Variants in ARID4A observed in about 807,000 individuals in gnomAD.
The protein encoded by ARID4A is AT-rich interactive domain-containing protein 4A.
In ARID4A, 39 loss-of-function variants were observed where a neutral mutation model predicts 148.6. The observed-to-expected ratio is 0.26, with a 90% confidence interval of 0.20 to 0.34. The LOEUF is 0.34. Ranked by LOEUF, ARID4A falls within the 10% of genes least tolerant of loss-of-function variation. The pLI, the probability that ARID4A is intolerant of heterozygous loss-of-function variation, is 1.00. For missense variants in ARID4A, 1,265 were observed against 1,449.1 expected (o/e 0.87, Z 2.06); for synonymous variants, 475 against 481.2 (o/e 0.99, Z 0.17).
rs1381604389 is a variant in ARID4A, at chr14:58,373,761, G to C, written c.*1772G>C. ...CTTTATACTTTTAGTTTTCATTTAA[G>C]TGATTGCTTTTTTCCTAAGTGCTTG... On this transcript the variant is annotated 3_prime_UTR_variant, in exon 24 of 24. Transcript: ENST00000355431. The C allele has an allele frequency of 6.1e-6, 1 of 164,344 alleles. No individual in the cohort carries two copies. Among genetic ancestry groups the C allele is most frequent in the Admixed American group, 6.4e-5 (1 of 15,520 alleles). The allele number at this position is 164,344 out of a possible 1,614,324, so 10.2% of individuals were successfully genotyped here. A position where few individuals can be genotyped will look rare whatever the true frequency, so the allele number is the denominator to read the frequency against.
intron 8 of ARID4A, 100 bp downstream of exon 8, chr14:58,323,717 A>G: frequency 1.8e-6 from 2 of 1,103,086 alleles, no homozygotes; most frequent in Non-Finnish European, 2.6e-6. Flanking sequence ...TATTAAACAA[A>G]TTTGGACTTT....
intron 11 of ARID4A, among the ~76,000 whole-genome samples, chr14:58,342,918 A>C (rs1470888921): frequency 6.6e-6 from 1 of 152,212 alleles, no homozygotes. Context: ...TCTTTAAAAA[A>C]AAAAAAATAC....
chr14:58,330,885 C>G (rs1245193179), intron 11 of ARID4A, among the ~76,000 whole-genome samples: 1 of 152,060 alleles, frequency 6.6e-6, no homozygotes, highest in African/African-American at 2.4e-5. Context: ...GTTGTTTATT[C>G]TGCAGTGTTG....
intron 23 of ARID4A, among the ~76,000 whole-genome samples, chr14:58,368,622 T>A (rs1372838670): frequency 1.3e-5 from 2 of 152,212 alleles, no homozygotes; most frequent in African/African-American, 4.8e-5. Flanking sequence ...TCTTAATAGT[T>A]AATCCAAGTT....
chr14:58,345,853 C>T (rs759601724), intron 12 of ARID4A, among the ~76,000 whole-genome samples: 16 of 150,980 alleles, frequency 1.1e-4, no homozygotes, highest in South Asian at 2.1e-4. Flanking sequence ...ACCTCAGGCT[C>T]CCAAGTACCT....
intron 20 of ARID4A, 49 bp from the exon 21 acceptor site, chr14:58,365,469 T>A: frequency 1.6e-5 from 8 of 493,060 alleles, no homozygotes; most frequent in Admixed American, 1.2e-4. Flanking sequence ...TACTTGCTCT[T>A]TTTTTTTTTT....
chr14:58,301,169 G>C (rs1566661425), intron 2 of ARID4A, among the ~76,000 whole-genome samples: 1 of 152,124 alleles, frequency 6.6e-6, no homozygotes, highest in African/African-American at 2.4e-5. Flanking sequence ...TGTATTGTTA[G>C]TGTTAATATT....
chr14:58,324,505 TC>T (rs112832932), intron 8 of ARID4A, among the ~76,000 whole-genome samples: 20 of 152,222 alleles, frequency 1.3e-4, no homozygotes, highest in African/African-American at 4.3e-4. Flanking sequence ...AGTCTCAAAC[TC>T]CTGGGCTCAA....
intron 8 of ARID4A, among the ~76,000 whole-genome samples, chr14:58,325,057 G>A (rs2033136828): frequency 6.6e-6 from 1 of 152,138 alleles, no homozygotes. Flanking sequence ...GGATGGGTTG[G>A]TAGAGAAAGC....
intron 11 of ARID4A, among the ~76,000 whole-genome samples, chr14:58,344,318 CAT>C (rs756146088): frequency 7.1e-4 from 108 of 151,870 alleles, no homozygotes; most frequent in Admixed American, 2.4e-3. Flanking sequence ...ATATAATGAA[CAT>C]GTGTCATTAT....
chr14:58,342,943 C>T (rs908708644), intron 11 of ARID4A, among the ~76,000 whole-genome samples: 2 of 151,760 alleles, frequency 1.3e-5, no homozygotes, highest in African/African-American at 4.8e-5. Flanking sequence ...ATGAAGTTTT[C>T]GTCTGAAGAG....
intron 19 of ARID4A, among the ~76,000 whole-genome samples, chr14:58,362,114 A>G (rs1161385602): frequency 6.6e-6 from 1 of 152,224 alleles, no homozygotes; most frequent in East Asian, 1.9e-4. Context: ...GTACCAGTGT[A>G]TCCTATAAAT....
Position 58,371,776 on chromosome 14 carries a change from G to C in ARID4A, c.3671-110G>C, listed in dbSNP as rs142369687. Reference sequence around the variant, plus strand: ...TTACTCCTTCATGTGACATATAAGAGGCCTGTGATTAAGGTGAATAATGTT... The same window carrying C: ...TTACTCCTTCATGTGACATATAAGACGCCTGTGATTAAGGTGAATAATGTT... On this transcript the variant is annotated intron_variant, in intron 23 of 23. Coordinates refer to ENST00000355431, the MANE Select transcript of ARID4A (RefSeq NM_002892.4). The C allele has an allele frequency of 4.2e-4, 354 of 836,218 alleles. 2 individuals are homozygous for C. The East Asian group carries it at 9.3e-3, about 22-fold the overall frequency. 51.8% of individuals were successfully genotyped at this position (836,218 alleles called of 1,614,324 possible).
At chr14:58,322,974 A>T (rs1566682298) in intron 7 of ARID4A, among the ~76,000 whole-genome samples, 1 of 143,524 alleles carries the variant, frequency 7.0e-6, no homozygotes, top group East Asian at 2.0e-4. Flanking sequence ...AAAAAAAAAA[A>T]AAAAAAATAT....
intron 16 of ARID4A, 77 bp from the exon 17 acceptor site, chr14:58,353,581 A>G (rs1174276958): frequency 4.5e-5 from 57 of 1,268,584 alleles, no homozygotes; most frequent in Non-Finnish European, 6.3e-5. Context: ...TGAATAATCT[A>G]CCTGTTGGAT....
chr14:58,313,848 A>T (rs1402751847), intron 5 of ARID4A, among the ~76,000 whole-genome samples: 1 of 152,090 alleles, frequency 6.6e-6, no homozygotes, highest in East Asian at 1.9e-4. Flanking sequence ...GAGAGAGAGG[A>T]AATCCCTTTC....
intron 16 of ARID4A, among the ~76,000 whole-genome samples, chr14:58,352,440 T>C (rs1408725489): frequency 6.6e-6 from 1 of 152,162 alleles, no homozygotes; most frequent in Non-Finnish European, 1.5e-5. Flanking sequence ...CATCAAAATA[T>C]GTATATTGTA....
At position 58,364,320 on chromosome 14, in the gene ARID4A, T is replaced by C. The variant is rs745908355; in HGVS notation, c.2231T>C (p.Leu744Ser). The C allele has an allele frequency of 6.4e-7, 1 of 1,570,198 alleles. No homozygotes were observed. Among genetic ancestry groups the C allele is most frequent in the Non-Finnish European group, 8.6e-7 (1 of 1,167,814 alleles). ...AATCCAAAGATTTCTGCACATATAT[T>C]AAAAGAAAATGATAGGACTCAAATG... ...EENPKISAHI[L>S]KENDRTQMQP... Residue 744 changes from leucine (L) to serine (S), a missense_variant, in exon 20 of 24, where the codon TTA (leucine) becomes TCA (serine). Around this residue, in one of 9 missense-constraint regions of ARID4A, gnomAD observed 666 missense variants for 730.9 expected, o/e 0.91. Coordinates refer to ENST00000355431, the MANE Select transcript of ARID4A (RefSeq NM_002892.4).
chr14:58,313,054 A>G (rs1434256337), intron 5 of ARID4A, among the ~76,000 whole-genome samples: 1 of 152,186 alleles, frequency 6.6e-6, no homozygotes, highest in Non-Finnish European at 1.5e-5. Flanking sequence ...TTGCATTGGC[A>G]TTACTTTGTC....
Sources: gnomAD v4.1 joint callset for allele counts (sites outside exome capture counted in the v4.1 genomes callset) on GRCh38, gnomAD v4.1.1 for gene constraint, gnomAD v4.1.1 regional missense constraint, MANE v1.5 for transcripts, NCBI Gene and HGNC (gene_info 2026-07-23, HGNC 2026-07-21) for gene names.